Variants in NUFIP1 observed in about 807,000 individuals in gnomAD.
The protein encoded by NUFIP1 is FMR1-interacting protein NUFIP1.
In NUFIP1, 38 loss-of-function variants were observed where a neutral mutation model predicts 56.2. The ratio of observed to expected loss-of-function variants is 0.68; its 90% CI spans 0.52 to 0.89. NUFIP1 has a LOEUF of 0.89. Ranked by LOEUF, NUFIP1 falls within the 40% of genes least tolerant of loss-of-function variation. NUFIP1 has a pLI of 0.00. For missense variants in NUFIP1, 567 were observed against 605.8 expected, an observed-to-expected ratio of 0.94 and a Z score of 0.67; for synonymous variants, 215 against 212.4, an observed-to-expected ratio of 1.01 and a Z score of -0.10.
chr13:44,988,625 A>G (rs1872524587), intron 1 of NUFIP1, among the ~76,000 whole-genome samples: 1 of 152,192 alleles, frequency 6.6e-6, no homozygotes, highest in African/African-American at 2.4e-5. Flanking sequence ...TGTTCTGCTC[A>G]CTGCTATATA....
chr13:44,955,385 G>A (rs902761573), intron 7 of NUFIP1, among the ~76,000 whole-genome samples: 1 of 152,164 alleles, frequency 6.6e-6, no homozygotes. Flanking sequence ...CAGAAAAGGT[G>A]AACCCAGGCA....
chr13:44,971,076 C>T (rs1020644539), intron 5 of NUFIP1, among the ~76,000 whole-genome samples: 1 of 152,004 alleles, frequency 6.6e-6, no homozygotes, highest in Non-Finnish European at 1.5e-5. Flanking sequence ...CCCATATCCT[C>T]TAATAAAATA....
At chr13:44,965,788 G>T in intron 6 of NUFIP1, 56 bp downstream of exon 6, 1 of 931,692 alleles carries the variant, frequency 1.1e-6, no homozygotes. Context: ...GTACATAAGG[G>T]TTTTAAGATT....
At chr13:44,987,813 C>T (rs780901938) in intron 1 of NUFIP1, among the ~76,000 whole-genome samples, 2 of 152,188 alleles carry the variant, frequency 1.3e-5, no homozygotes, top group African/African-American at 2.4e-5. Context: ...CCTCTTAAAA[C>T]GTAAATCAGG....
chr13:44,961,765 C>T (rs1394548355), intron 6 of NUFIP1, among the ~76,000 whole-genome samples: 3 of 152,198 alleles, frequency 2.0e-5, no homozygotes, highest in Admixed American at 2.0e-4. Context: ...TTTCTTTGAG[C>T]TCCCATTCAC....
intron 3 of NUFIP1, among the ~76,000 whole-genome samples, chr13:44,980,431 G>T (rs1243527494): frequency 6.6e-6 from 1 of 152,182 alleles, no homozygotes; most frequent in African/African-American, 2.4e-5. Flanking sequence ...AACTCATTAA[G>T]ATGCACAAGG....
chr13:44,987,393 T>A (rs978806948), intron 1 of NUFIP1, among the ~76,000 whole-genome samples: 1 of 151,740 alleles, frequency 6.6e-6, no homozygotes, highest in African/African-American at 2.4e-5. Context: ...AAAAAAAAAA[T>A]AAATAAAGTG....
rs140630713 is a variant in NUFIP1 at position 44,965,931 on chromosome 13, T to G, written c.740A>C (p.Tyr247Ser). The G allele has an allele frequency of 7.1e-6, 11 of 1,551,432 alleles. No homozygotes were observed. The highest frequency in any genetic ancestry group is 2.8e-5 in the African/African-American group (2 of 72,198). Residue 247 changes from tyrosine to serine, a missense_variant, in exon 6 of 10, where the codon TAT becomes TCT. Coordinates refer to ENST00000379161, the MANE Select transcript of NUFIP1 (RefSeq NM_012345.3). ...ARWREERRKN[Y>S]PTLANIERKK... ...CCTTTCAATATTGGCCAGAGTTGGA[T>G]AGTTTCTAGAAAATAATAAAAGTTA...
intron 7 of NUFIP1, among the ~76,000 whole-genome samples, chr13:44,956,916 GAGGAA>G (rs1347832716): frequency 6.6e-6 from 1 of 152,162 alleles, no homozygotes; most frequent in Non-Finnish European, 1.5e-5. Flanking sequence ...TCAAAGTCCA[GAGGAA>G]ATCCCAGGTA....
chr13:44,949,434 C>T (rs751792808), intron 8 of NUFIP1, among the ~76,000 whole-genome samples: 2 of 151,970 alleles, frequency 1.3e-5, no homozygotes, highest in African/African-American at 2.4e-5. Flanking sequence ...ATCTCCTGAC[C>T]TCGTGATCCG....
intron 6 of NUFIP1, among the ~76,000 whole-genome samples, chr13:44,964,818 G>GT (rs779060979): frequency 6.6e-6 from 1 of 152,152 alleles, no homozygotes. Flanking sequence ...AGGGCATGGG[G>GT]TAAGATACCC....
chr13:44,966,711 T>C (rs898853524), intron 5 of NUFIP1, among the ~76,000 whole-genome samples: 1 of 152,058 alleles, frequency 6.6e-6, no homozygotes, highest in Non-Finnish European at 1.5e-5. Flanking sequence ...CGGTGGCTCA[T>C]GCCTGTAATC....
At chr13:44,956,979 C>A (rs1299209714) in intron 7 of NUFIP1, among the ~76,000 whole-genome samples, 1 of 152,066 alleles carries the variant, frequency 6.6e-6, no homozygotes, top group Non-Finnish European at 1.5e-5. Flanking sequence ...ACTTAAGCTA[C>A]CATAATTTGA....
At chr13:44,971,231 G>T (rs573386069) in intron 5 of NUFIP1, among the ~76,000 whole-genome samples, 19 of 152,038 alleles carry the variant, frequency 1.2e-4, no homozygotes, top group Non-Finnish European at 2.4e-4. Flanking sequence ...AACATCACAG[G>T]TATAAATAAA....
rs375638607 is a variant in NUFIP1 at position 44,980,684 on chromosome 13, A to G, written c.594+38T>C. The stretch of plus-strand genomic sequence containing the variant: ...CAAATATACAGATAGAAGAAGCACA[A>G]TTGCTACATCAGTTTCAGGACAACT... On this transcript the variant is annotated intron_variant, in intron 3 of 9. Transcript: ENST00000379161. 1.9e-5 allele frequency: 25 copies of G among 1,308,188 alleles called. No homozygotes were observed. The African/African-American group carries it at 3.3e-4, about 17-fold the overall frequency. The allele number at this position is 1,308,188 out of a possible 1,614,324, so 81.0% of individuals were successfully genotyped here. A position where few individuals can be genotyped will look rare whatever the true frequency, so the allele number is the denominator to read the frequency against.
chr13:44,954,616 C>G (rs1045549601), intron 7 of NUFIP1, among the ~76,000 whole-genome samples: 6 of 152,164 alleles, frequency 3.9e-5, no homozygotes, highest in African/African-American at 1.2e-4. Context: ...ATCCGTACCC[C>G]CTGCCCACCA....
intron 7 of NUFIP1, among the ~76,000 whole-genome samples, chr13:44,952,197 G>C (rs1005271711): frequency 2.6e-5 from 4 of 152,066 alleles, no homozygotes; most frequent in African/African-American, 7.2e-5. Context: ...GCCCAGGCTG[G>C]AGTGCAGTGC....
At chr13:44,979,332 T>A in intron 4 of NUFIP1, 66 bp from the exon 5 acceptor site, 1 of 1,292,436 alleles carries the variant, frequency 7.7e-7, no homozygotes, top group Non-Finnish European at 1.1e-6. Flanking sequence ...ACTTGGAGAC[T>A]TTGTTTCTAC....
intron 5 of NUFIP1, among the ~76,000 whole-genome samples, chr13:44,970,026 C>T (rs1469680531): frequency 6.6e-6 from 1 of 152,204 alleles, no homozygotes; most frequent in African/African-American, 2.4e-5. Context: ...CTCAGAGCCA[C>T]AGTAAGCGTT....
Sources: allele counts gnomAD v4.1 joint callset (sites outside exome capture counted in the v4.1 genomes callset), GRCh38; gene constraint gnomAD v4.1.1; transcripts MANE v1.5; gene names NCBI Gene and HGNC (gene_info 2026-07-23, HGNC 2026-07-21).